Variants in SH2D4B observed in about 807,000 individuals in gnomAD.
The protein encoded by SH2D4B is SH2 domain containing 4B, also known as SH2 domain-containing protein 4B.
A neutral mutation model predicts 61.5 loss-of-function variants in SH2D4B; 45 were observed. The ratio of observed to expected loss-of-function variants is 0.73; its 90% confidence interval spans 0.58 to 0.94. The LOEUF is 0.94. Ranked by LOEUF, SH2D4B falls within the 40% of genes least tolerant of loss-of-function variation. SH2D4B has a pLI of 0.00. For synonymous variants in SH2D4B, 224 were observed against 220.4 expected, an observed-to-expected ratio of 1.02 and a Z score of -0.14; for missense variants, 572 against 574.2, an observed-to-expected ratio of 1.00 and a Z score of 0.04.
In SH2D4B at chr10:80,570,194, T is replaced by C. The variant is rs779373765; in HGVS notation, c.225T>C (p.Asp75=). ...DKHIQWLLGA[D]GEVWVWIMGE... is the part of the protein sequence containing the mutation. Reference sequence around the variant, plus strand: ...ACATCCAATGGCTCCTAGGGGCAGATGGCGAGGTCTGGGTCTGGATCATGG... The same window carrying C: ...ACATCCAATGGCTCCTAGGGGCAGACGGCGAGGTCTGGGTCTGGATCATGG... Residue 75 remains aspartate, a synonymous_variant, in exon 2 of 8, where the codon GAT becomes GAC. Transcript: ENST00000646907. 23 of 1,614,176 alleles carry C rather than the reference T, an allele frequency of 1.4e-5. No homozygotes were observed. The highest frequency in any genetic ancestry group is 1.9e-5 in the Non-Finnish European group (22 of 1,180,030).
chr10:80,546,044 T>C lies in SH2D4B; in HGVS notation c.184+7529T>C, dbSNP rs1043753957. ...TTTCTCTTTCTTTCTTTCTCTCTCT[T>C]TCTTTTTTTTTTTTTTTTTAGACAA... On this transcript the variant is annotated intron_variant, in intron 1 of 7. Transcript: ENST00000646907. Among the ~76,000 whole-genome samples the C allele has an allele frequency of 8.6e-3, 1,280 of 148,196 alleles. 12 individuals are homozygous for C. The highest frequency in any genetic ancestry group is 0.03 in the African/African-American group (1,157 of 38,960).
intron 4 of SH2D4B, among the ~76,000 whole-genome samples, chr10:80,595,139 G>A (rs1372285821): frequency 6.6e-6 from 1 of 152,212 alleles, no homozygotes. Context: ...CAGCATTGAT[G>A]TCTCAATCAG....
At chr10:80,613,599 G>A (rs1256561861) in intron 6 of SH2D4B, among the ~76,000 whole-genome samples, 1 of 152,216 alleles carries the variant, frequency 6.6e-6, no homozygotes, top group East Asian at 1.9e-4. Context: ...TCTCAAGCGT[G>A]GCCTCACCTG....
At chr10:80,545,908 C>T (rs1182266690) in intron 1 of SH2D4B, among the ~76,000 whole-genome samples, 1 of 152,182 alleles carries the variant, frequency 6.6e-6, no homozygotes, top group African/African-American at 2.4e-5. Context: ...GTTGTAGAGG[C>T]TGATATACAA....
At chr10:80,643,920 A>ACT (rs931240734) in intron 7 of SH2D4B, 73 bp from the exon 8 acceptor site, 90 of 1,131,316 alleles carry the variant, frequency 8.0e-5, no homozygotes, top group African/African-American at 1.6e-4. Context: ...GTCTTGAACC[A>ACT]CTCTCTCTCT....
rs60774703 is a variant in SH2D4B at position 80,566,090 on chromosome 10, C to CAAAAAAAAAAAAAAA, written c.185-4050_185-4036dup. 2.1e-4 allele frequency among the ~76,000 whole-genome samples: 5 copies of CAAAAAAAAAAAAAAA among 23,816 alleles called. 1 individual carries two copies. The highest frequency in any genetic ancestry group is 8.5e-4 in the African/African-American group (5 of 5,848). 15.6% of individuals were successfully genotyped at this position (23,816 alleles called of 152,430 possible). ...TGGGTGACAGAGCGAGACTCCGGCT[C>CAAAAAAAAAAAAAAA]AAAAAAAAAAAAAAAAAAAAAAAAA... On this transcript the variant is annotated intron_variant, in intron 1 of 7. Coordinates refer to ENST00000646907, the MANE Select transcript of SH2D4B (RefSeq NM_001388272.1).
At chr10:80,620,059 A>C (rs1842701421) in intron 6 of SH2D4B, among the ~76,000 whole-genome samples, 1 of 152,224 alleles carries the variant, frequency 6.6e-6, no homozygotes, top group Non-Finnish European at 1.5e-5. Flanking sequence ...GCTTTGTGGC[A>C]GGAACAGGTT....
Position 80,538,366 on chromosome 10 carries a change from A to T in SH2D4B, c.35A>T (p.Asp12Val), listed in dbSNP as rs776968287. Reference protein sequence around the residue: ...LQQILHDMYIDPELLAELSDV... With the variant: ...LQQILHDMYIVPELLAELSDV... Reference sequence around the variant, plus strand: ...CAGATCCTGCACGACATGTACATCGACCCCGAGCTCCTTGCCGAGCTCAGC... The same window carrying T: ...CAGATCCTGCACGACATGTACATCGTCCCCGAGCTCCTTGCCGAGCTCAGC... The change falls in exon 1 of 8, where the codon GAC (aspartate) becomes GTC (valine). Residue 12 changes from aspartate (D) to valine (V), a missense_variant. Transcript: ENST00000646907. This position sits in a 1 kb window ranked among gnomAD's most constrained non-coding sequence, Gnocchi z 4.8. 7.2e-7 allele frequency: 1 copy of T among 1,397,996 alleles called. No individual in the cohort carries two copies. Among genetic ancestry groups the T allele is most frequent in the Non-Finnish European group, 9.3e-7 (1 of 1,070,750 alleles). 86.6% of individuals were successfully genotyped at this position (1,397,996 alleles called of 1,614,324 possible). A position where few individuals can be genotyped will look rare whatever the true frequency, so the allele number is the denominator to read the frequency against.
rs748724995 is a variant in SH2D4B at position 80,571,554 on chromosome 10, G to C, written c.471G>C (p.Glu157Asp). Residue 157 changes from glutamate (E) to aspartate (D), a missense_variant, in exon 3 of 8, where the codon GAG becomes GAC. Glu to Asp is a conservative substitution (Grantham distance 45, BLOSUM62 2). Transcript: ENST00000646907. ...MEDRKAAKVL[E>D]ERIHEEFKRK... is the part of the protein sequence containing the mutation. ...ACCGCAAGGCTGCCAAAGTCCTGGA[G>C]GAACGCATCCACGAGGAATTCAAGG... is the stretch of plus-strand genomic sequence containing the variant. 1 of 1,614,000 alleles carries C rather than the reference G, an allele frequency of 6.2e-7. No individual in the cohort carries two copies. The highest frequency in any genetic ancestry group is 8.5e-7 in the Non-Finnish European group (1 of 1,179,992).
At chr10:80,553,562 G>T (rs1841789996) in intron 1 of SH2D4B, among the ~76,000 whole-genome samples, 1 of 152,204 alleles carries the variant, frequency 6.6e-6, no homozygotes, top group South Asian at 2.1e-4. Flanking sequence ...GGGCATCATG[G>T]CCCCGGTGGG....
chr10:80,644,253 T>C lies in SH2D4B; in HGVS notation c.*168T>C, dbSNP rs1840358149. On this transcript the variant is annotated 3_prime_UTR_variant, in exon 8 of 8. Transcript: ENST00000646907. ...GACATCTATGGCATAGGGCTACTGG[T>C]CTCATCCCAGCGATCGGGACAGAAA... The C allele has an allele frequency of 1.7e-6, 1 of 594,042 alleles. No homozygotes were observed. Among genetic ancestry groups the C allele is most frequent in the East Asian group, 2.8e-5 (1 of 35,664 alleles). 36.8% of individuals were successfully genotyped at this position (594,042 alleles called of 1,614,324 possible).
intron 4 of SH2D4B, among the ~76,000 whole-genome samples, chr10:80,594,494 C>T (rs1842364708): frequency 1.3e-5 from 2 of 152,270 alleles, no homozygotes; most frequent in East Asian, 1.9e-4. Flanking sequence ...TAATACTAGC[C>T]TCAAAGCACA....
chr10:80,629,406 A>G (rs921579005), intron 6 of SH2D4B, among the ~76,000 whole-genome samples: 4 of 152,244 alleles, frequency 2.6e-5, no homozygotes, highest in African/African-American at 9.6e-5. Flanking sequence ...ATAATTCAAC[A>G]TGAGATTTAG....
In SH2D4B at chr10:80,646,067, T is replaced by A. The variant is rs1840391352; in HGVS notation, c.*1982T>A. On this transcript the variant is annotated 3_prime_UTR_variant, in exon 8 of 8. Coordinates refer to ENST00000646907, the MANE Select transcript of SH2D4B (RefSeq NM_001388272.1). ...AACCTCGGTATGACTGAAAAGGGAG[T>A]TTTCTGTATGGCCGTCACTAGGTTT... 6.6e-6 allele frequency: 1 copy of A among 152,330 alleles called. No homozygotes were observed. The highest frequency in any genetic ancestry group is 1.5e-5 in the Non-Finnish European group (1 of 67,968). The allele number at this position is 152,330 out of a possible 1,614,324, so 9.4% of individuals were successfully genotyped here.
intron 3 of SH2D4B, among the ~76,000 whole-genome samples, chr10:80,582,198 T>C (rs1204838360): frequency 6.6e-6 from 1 of 152,078 alleles, no homozygotes; most frequent in Non-Finnish European, 1.5e-5. Flanking sequence ...GAGGGAAAGT[T>C]GAAAGGGAAA....
At position 80,571,559 on chromosome 10, in the gene SH2D4B, G is replaced by A. The variant is rs1842044586; in HGVS notation, c.476G>A (p.Arg159His). Reference sequence around the variant, plus strand: ...AAGGCTGCCAAAGTCCTGGAGGAACGCATCCACGAGGAATTCAAGGTGGGC... The same window carrying A: ...AAGGCTGCCAAAGTCCTGGAGGAACACATCCACGAGGAATTCAAGGTGGGC... The part of the protein sequence containing the change: ...DRKAAKVLEE[R>H]IHEEFKRKEE... Residue 159 changes from arginine to histidine, a missense_variant, in exon 3 of 8, where the codon CGC becomes CAC. Coordinates refer to ENST00000646907, the MANE Select transcript of SH2D4B (RefSeq NM_001388272.1). 1.2e-6 allele frequency: 2 copies of A among 1,613,846 alleles called. No homozygotes were observed. Among genetic ancestry groups the A allele is most frequent in the Non-Finnish European group, 1.7e-6 (2 of 1,179,904 alleles).
intron 4 of SH2D4B, among the ~76,000 whole-genome samples, chr10:80,602,056 G>A (rs138870500): frequency 6.6e-6 from 1 of 152,290 alleles, no homozygotes; most frequent in African/African-American, 2.4e-5. Flanking sequence ...AATGGGTTTT[G>A]TTCCCTTTCC....
At chr10:80,617,611 A>G (rs1210849846) in intron 6 of SH2D4B, among the ~76,000 whole-genome samples, 1 of 152,062 alleles carries the variant, frequency 6.6e-6, no homozygotes, top group Admixed American at 6.5e-5. Flanking sequence ...ACTTACATTC[A>G]CTTGTGAGAA....
chr10:80,628,877 A>G (rs1842795694), intron 6 of SH2D4B, among the ~76,000 whole-genome samples: 1 of 152,044 alleles, frequency 6.6e-6, no homozygotes. Context: ...TAAAAATACA[A>G]AAATTAGCCA....
Sources: gnomAD v4.1 joint callset for allele counts (sites outside exome capture counted in the v4.1 genomes callset) on GRCh38, gnomAD v4.1.1 for gene constraint, Gnocchi (gnomAD v3.1) non-coding constraint, MANE v1.5 for transcripts, NCBI Gene and HGNC (gene_info 2026-07-23, HGNC 2026-07-21) for gene names.